SYT14: variants seen among roughly 807,000 people sequenced by gnomAD.
SYT14 encodes the protein synaptotagmin 14.
SYT14 carries 32 observed loss-of-function variants against 74.2 expected under a neutral mutation model. The ratio of observed to expected loss-of-function variants is 0.43; its 90% CI spans 0.33 to 0.58. The LOEUF is 0.58. Among genes scored for constraint, SYT14 ranks in the 20% least tolerant of loss-of-function variants. The pLI is 0.05. For missense variants in SYT14, 791 were observed against 981.8 expected (o/e 0.81, Z 2.60); for synonymous variants, 298 against 337.7 (o/e 0.88, Z 1.29).
Position 210,099,607 on chromosome 1 carries a change from G to A in SYT14, c.1585-405G>A, listed in dbSNP as rs547664082. Among the ~76,000 whole-genome samples the A allele has an allele frequency of 5.9e-5, 9 of 152,156 alleles. No homozygotes were observed. The South Asian group carries it at 1.2e-3, about 21-fold the overall frequency. The stretch of plus-strand genomic sequence containing the variant: ...TCCATAGCGTTATACTTTTATTTAT[G>A]TTCTCTTTCTCTGCAGCCTGATACT... On this transcript the variant is annotated intron_variant, in intron 6 of 9. Coordinates refer to ENST00000637265, the Ensembl canonical transcript of SYT14.
intron 2 of SYT14, among the ~76,000 whole-genome samples, chr1:210,006,666 C>T (rs1352036888): frequency 6.6e-6 from 1 of 151,708 alleles, no homozygotes; most frequent in Non-Finnish European, 1.5e-5. Context: ...TAAGTTGTTA[C>T]TTTTTATCTT....
chr1:209,959,217 A>G (rs575815694), intron 2 of SYT14, among the ~76,000 whole-genome samples: 3 of 152,062 alleles, frequency 2.0e-5, no homozygotes, highest in African/African-American at 7.2e-5. Flanking sequence ...ATCTCAGCTC[A>G]CTACAACCTC....
chr1:210,119,984 G>A (rs1012141898), intron 7 of SYT14, among the ~76,000 whole-genome samples: 1 of 152,034 alleles, frequency 6.6e-6, no homozygotes, highest in Non-Finnish European at 1.5e-5. Context: ...ACCATTTTTG[G>A]TAACGATATC....
At chr1:209,990,052 A>C (rs1237038369) in intron 2 of SYT14, among the ~76,000 whole-genome samples, 1 of 152,202 alleles carries the variant, frequency 6.6e-6, no homozygotes, top group Non-Finnish European at 1.5e-5. Flanking sequence ...TAAAAATTAC[A>C]GACCTCCTGT....
chr1:210,162,080 A>G (rs765648410), exon 10 of SYT14: 20 of 438,806 alleles, frequency 4.6e-5, no homozygotes, highest in African/African-American at 3.0e-4. Flanking sequence ...TCTTACTTCA[A>G]TTTATATTTG....
chr1:210,126,127 AAGGAGTCAG>A (rs2082564486), intron 7 of SYT14, among the ~76,000 whole-genome samples: 1 of 152,016 alleles, frequency 6.6e-6, no homozygotes, highest in Non-Finnish European at 1.5e-5. Context: ...TGCTTGAACC[AAGGAGTCAG>A]AGGCCACTGT....
intron 5 of SYT14, among the ~76,000 whole-genome samples, chr1:210,033,105 G>C (rs1320180804): frequency 6.6e-6 from 1 of 151,852 alleles, no homozygotes; most frequent in African/African-American, 2.4e-5. Flanking sequence ...GATAATGTCA[G>C]AAGAACATGT....
chr1:210,076,625 G>A (rs566281568), intron 5 of SYT14, among the ~76,000 whole-genome samples: 1 of 152,186 alleles, frequency 6.6e-6, no homozygotes, highest in African/African-American at 2.4e-5. Context: ...TCATGGTTCT[G>A]TACAGGAAGT....
chr1:210,067,174 G>A lies in SYT14; in HGVS notation c.1313-27148G>A, dbSNP rs116030673. ...GATCTACGTGTCTGTCCTCTTGCCA[G>A]TACCACACTCTCTTGATTACAGTTG... On this transcript the variant is annotated intron_variant, in intron 5 of 9. Transcript: ENST00000637265. 2.9e-3 allele frequency among the ~76,000 whole-genome samples: 441 copies of A among 152,100 alleles called. 2 individuals carry two copies. Among genetic ancestry groups the A allele is most frequent in the African/African-American group, 9.8e-3 (407 of 41,528 alleles).
At chr1:209,958,809 T>A (rs2079031047) in intron 2 of SYT14, among the ~76,000 whole-genome samples, 1 of 152,200 alleles carries the variant, frequency 6.6e-6, no homozygotes, top group South Asian at 2.1e-4. Context: ...TACTTTTTAT[T>A]TCTTTGGCAG....
chr1:210,045,875 A>G (rs933374418), intron 5 of SYT14, among the ~76,000 whole-genome samples: 3 of 152,110 alleles, frequency 2.0e-5, no homozygotes, highest in Non-Finnish European at 4.4e-5. Flanking sequence ...ATATATTTTC[A>G]TTAATTCTCA....
chr1:210,044,626 C>G lies in SYT14; in HGVS notation c.1312+23372C>G, dbSNP rs117749752. On this transcript the variant is annotated intron_variant, in intron 5 of 9. Coordinates refer to ENST00000637265, the Ensembl canonical transcript of SYT14. ...TCTCGCTCCTTACACATTTTTCTTC[C>G]AAGAATAAAAGTATCTCTGAAGATT... Among the ~76,000 whole-genome samples, 76 of 152,244 alleles carry G rather than the reference C, an allele frequency of 5.0e-4. 1 individual carries two copies. In the East Asian group the frequency reaches 0.013, roughly 27 times the overall value.
chr1:209,993,856 A>G (rs1031529500), intron 2 of SYT14, among the ~76,000 whole-genome samples: 2 of 152,164 alleles, frequency 1.3e-5, no homozygotes, highest in South Asian at 2.1e-4. Context: ...GCTACTGGCC[A>G]TTACTCTTAA....
At chr1:210,160,581 A>G (rs2083353073) in intron 9 of SYT14, 148 bp from the exon 9 acceptor site, 1 of 706,698 alleles carries the variant, frequency 1.4e-6, no homozygotes, top group Non-Finnish European at 2.3e-6. Context: ...AAGCATCTAC[A>G]TCAAAATGGA....
chr1:210,033,342 A>T (rs1468635938), intron 5 of SYT14, among the ~76,000 whole-genome samples: 1 of 151,842 alleles, frequency 6.6e-6, no homozygotes, highest in African/African-American at 2.4e-5. Flanking sequence ...TATCAACTGA[A>T]TATCATTAGT....
chr1:210,156,039 G>GT (rs2102713306), intron 8 of SYT14, 129 bp downstream of exon 7: 1 of 875,110 alleles, frequency 1.1e-6, no homozygotes, highest in Non-Finnish European at 1.8e-6. Flanking sequence ...CAGCTAATCT[G>GT]TTTCATGTTT....
At chr1:210,147,426 C>T (rs1399882434) in intron 7 of SYT14, among the ~76,000 whole-genome samples, 1 of 152,126 alleles carries the variant, frequency 6.6e-6, no homozygotes, top group East Asian at 1.9e-4. Context: ...ATTATTAAAA[C>T]TGAGTCCACA....
At chr1:210,159,097 TCA>T (rs758742670) in intron 8 of SYT14, among the ~76,000 whole-genome samples, 35 of 152,194 alleles carry the variant, frequency 2.3e-4, no homozygotes, top group Non-Finnish European at 4.1e-4. Flanking sequence ...TTATAATTAT[TCA>T]GTCTTTTATA....
chr1:209,998,933 T>C (rs1283515431), intron 2 of SYT14, among the ~76,000 whole-genome samples: 1 of 151,816 alleles, frequency 6.6e-6, no homozygotes, highest in Admixed American at 6.6e-5. Flanking sequence ...CCCCCCAAAA[T>C]AGACAAATGG....
Sources: gnomAD v4.1 joint callset for allele counts (sites outside exome capture counted in the v4.1 genomes callset) on GRCh38, gnomAD v4.1.1 for gene constraint, MANE v1.5 for transcripts, NCBI Gene and HGNC (gene_info 2026-07-23, HGNC 2026-07-21) for gene names.